Variants in FOXP2 observed in about 807,000 individuals in gnomAD.
The protein encoded by FOXP2 is forkhead box protein P2.
FOXP2 carries 12 observed loss-of-function variants against 115.8 expected under a neutral mutation model. The observed-to-expected ratio is 0.10, with a 90% confidence interval of 0.07 to 0.17. The LOEUF (loss-of-function observed/expected upper bound fraction) is 0.17. Ranked by LOEUF, FOXP2 falls within the 10% of genes least tolerant of loss-of-function variation. FOXP2 has a pLI of 1.00. For synonymous variants in FOXP2, 328 were observed against 297.7 expected (o/e 1.10, Z -1.05); for missense variants, 629 against 843.5 (o/e 0.75, Z 3.15).
chr7:114,376,606 G>A (rs141832660), intron 2 of FOXP2, among the ~76,000 whole-genome samples: 1 of 152,178 alleles, frequency 6.6e-6, no homozygotes, highest in African/African-American at 2.4e-5. Context: ...GAGAGAGGTA[G>A]ACTTCTAAAT....
chr7:114,459,124 C>T (rs971479713), intron 2 of FOXP2, among the ~76,000 whole-genome samples: 4 of 152,132 alleles, frequency 2.6e-5, no homozygotes, highest in African/African-American at 9.7e-5. Context: ...GGCTACCTAG[C>T]GGGAAGGAAA....
At chr7:114,585,938 GA>G (rs2129304525) in intron 3 of FOXP2, among the ~76,000 whole-genome samples, 1 of 152,168 alleles carries the variant, frequency 6.6e-6, no homozygotes, top group African/African-American at 2.4e-5. Context: ...AGGAGAACAC[GA>G]TTTTATGATT....
At chr7:114,486,932 C>A (rs548069479) in intron 2 of FOXP2, among the ~76,000 whole-genome samples, 115 of 152,240 alleles carry the variant, frequency 7.6e-4, no homozygotes, top group African/African-American at 2.6e-3. Context: ...ACTGAGTGTG[C>A]AGCTTTTCTA....
intron 3 of FOXP2, among the ~76,000 whole-genome samples, chr7:114,582,221 C>A (rs542350432): frequency 6.6e-6 from 1 of 152,148 alleles, no homozygotes; most frequent in Non-Finnish European, 1.5e-5. Flanking sequence ...AGAATAGAAA[C>A]CCACTTTCAT....
At chr7:114,542,307 T>C (rs1011959363) in intron 3 of FOXP2, among the ~76,000 whole-genome samples, 7 of 152,170 alleles carry the variant, frequency 4.6e-5, no homozygotes, top group African/African-American at 1.4e-4. Context: ...CTAAAAGATA[T>C]TCTAACATAT....
intron 3 of FOXP2, among the ~76,000 whole-genome samples, chr7:114,595,753 A>G (rs898849823): frequency 2.0e-5 from 3 of 151,992 alleles, no homozygotes; most frequent in South Asian, 2.1e-4. Flanking sequence ...CAACAACCTA[A>G]TCATTATGAT....
At chr7:114,340,025 A>G (rs1271296095) in intron 2 of FOXP2, among the ~76,000 whole-genome samples, 1 of 151,242 alleles carries the variant, frequency 6.6e-6, no homozygotes, top group Admixed American at 6.6e-5. Flanking sequence ...TCAGTTGGCC[A>G]TTTGACTTTA....
At chr7:114,390,526 T>TATG in intron 2 of FOXP2, among the ~76,000 whole-genome samples, 1 of 138,400 alleles carries the variant, frequency 7.2e-6, no homozygotes, top group African/African-American at 3.2e-5. Flanking sequence ...ATTTATGTAT[T>TATG]TATTTATTTA....
chr7:114,633,728 G>A (rs1805050765), intron 6 of FOXP2, among the ~76,000 whole-genome samples: 1 of 152,178 alleles, frequency 6.6e-6, no homozygotes, highest in Non-Finnish European at 1.5e-5. Context: ...TACAGTAAAG[G>A]AACCTAGCGT....
chr7:114,314,094 T>C (rs1797214678), intron 2 of FOXP2, among the ~76,000 whole-genome samples: 1 of 151,992 alleles, frequency 6.6e-6, no homozygotes, highest in Non-Finnish European at 1.5e-5. Flanking sequence ...CTATTATGGA[T>C]TAATATCCTG....
intron 1 of FOXP2, among the ~76,000 whole-genome samples, chr7:114,167,261 A>G (rs1338050605): frequency 2.6e-5 from 4 of 152,186 alleles, no homozygotes; most frequent in Non-Finnish European, 5.9e-5. Flanking sequence ...ATAAAAAGAA[A>G]TGAGCTACCA....
chr7:114,271,384 C>T (rs1324206419), intron 1 of FOXP2, among the ~76,000 whole-genome samples: 1 of 148,922 alleles, frequency 6.7e-6, no homozygotes, highest in African/African-American at 2.5e-5. Context: ...ATTTGAATTT[C>T]TCACAATTAA....
Position 114,534,701 on chromosome 7 carries a change from C to T in FOXP2, c.253C>T (p.Leu85=). The T allele has an allele frequency of 6.2e-7, 1 of 1,611,248 alleles. No individual in the cohort carries two copies. Among genetic ancestry groups the T allele is most frequent in the Non-Finnish European group, 8.5e-7 (1 of 1,177,964 alleles). The stretch of plus-strand genomic sequence containing the variant: ...TAAGAGCAGTGATAAACAGAGACCA[C>T]TGCAGGTTAGTAAAGCACTCCTGTC... ...SPKSSDKQRP[L]QVPVSVAMMT... The change falls in exon 3 of 17, where the codon CTG becomes TTG. Residue 85 remains leucine (L), a synonymous_variant. Coordinates refer to ENST00000350908, the MANE Select transcript of FOXP2 (RefSeq NM_014491.4).
chr7:114,536,352 C>A (rs1013447238), intron 3 of FOXP2, among the ~76,000 whole-genome samples: 13 of 150,234 alleles, frequency 8.7e-5, no homozygotes, highest in African/African-American at 2.9e-4. Context: ...TTGCTGGTTA[C>A]CAGGGTATCT....
intron 3 of FOXP2, among the ~76,000 whole-genome samples, chr7:114,536,080 A>C (rs1799378838): frequency 6.6e-6 from 1 of 151,528 alleles, no homozygotes; most frequent in Non-Finnish European, 1.5e-5. Flanking sequence ...AGAAAAATTT[A>C]CATAGAAGTC....
At chr7:114,088,075 A>T (rs1250455049) in intron 1 of FOXP2, 2 of 152,132 alleles carry the variant, frequency 1.3e-5, no homozygotes, top group African/African-American at 4.8e-5. Context: ...AACAGATTTA[A>T]ACCACTTAAT....
intron 2 of FOXP2, among the ~76,000 whole-genome samples, chr7:114,503,682 C>T (rs1306871240): frequency 6.6e-6 from 1 of 150,678 alleles, no homozygotes; most frequent in Non-Finnish European, 1.5e-5. Context: ...CCAAATTAAT[C>T]CACCTTTTAC....
intron 3 of FOXP2, among the ~76,000 whole-genome samples, chr7:114,627,490 T>G (rs1658787511): frequency 6.6e-6 from 1 of 152,116 alleles, no homozygotes; most frequent in Non-Finnish European, 1.5e-5. Flanking sequence ...GTTACTTGCC[T>G]TCTATCTGAG....
chr7:114,268,837 T>C (rs1315231592), intron 1 of FOXP2, among the ~76,000 whole-genome samples: 1 of 152,158 alleles, frequency 6.6e-6, no homozygotes, highest in Non-Finnish European at 1.5e-5. Context: ...TCTGAGAATG[T>C]ATTTTGTTGA....
Sources: allele counts gnomAD v4.1 joint callset (sites outside exome capture counted in the v4.1 genomes callset), GRCh38; gene constraint gnomAD v4.1.1; transcripts MANE v1.5; gene names NCBI Gene and HGNC (gene_info 2026-07-23, HGNC 2026-07-21).